The following APBB2 variants were observed in gnomAD, a reference collection of about 807,000 sequenced individuals.
The protein encoded by APBB2 is Fe65-like 1.
APBB2 carries 38 observed loss-of-function variants against 82.5 expected under a neutral mutation model. That is an observed-to-expected ratio of 0.46 (90% CI 0.36 to 0.60). The LOEUF (loss-of-function observed/expected upper bound fraction) is 0.60, where lower values mean the gene tolerates loss of function less well. APBB2 is among the 20% of genes least tolerant of loss of function. The probability of loss-of-function intolerance (pLI) is 0.00; values close to 1 mark genes in which losing one functional copy is unlikely to be tolerated. For missense variants in APBB2, 772 were observed against 972.3 expected (o/e 0.79, Z 2.74); for synonymous variants, 341 against 368.2 (o/e 0.93, Z 0.85).
intron 1 of APBB2, among the ~76,000 whole-genome samples, chr4:41,180,546 G>A (rs776611593): frequency 3.3e-5 from 5 of 152,120 alleles, no homozygotes; most frequent in African/African-American, 1.2e-4. Context: ...GCAGAGGGAG[G>A]GTGAGGCTGG....
intron 1 of APBB2, among the ~76,000 whole-genome samples, chr4:41,146,850 C>A (rs1309564805): frequency 1.3e-5 from 2 of 152,218 alleles, no homozygotes. Context: ...AAGGCATGAA[C>A]TGTGAGGCTG....
At chr4:41,204,080 C>G (rs1158721867) in intron 1 of APBB2, among the ~76,000 whole-genome samples, 5 of 152,094 alleles carry the variant, frequency 3.3e-5, no homozygotes. Context: ...TGAAGGAGTA[C>G]TGAAAGGCGG....
intron 4 of APBB2, among the ~76,000 whole-genome samples, chr4:41,033,989 T>C (rs987101458): frequency 2.6e-5 from 4 of 152,186 alleles, no homozygotes; most frequent in African/African-American, 4.8e-5. Flanking sequence ...AGCCAGATAA[T>C]ACCACAATCT....
At chr4:40,921,356 C>T (rs146659127) in intron 10 of APBB2, among the ~76,000 whole-genome samples, 20 of 152,296 alleles carry the variant, frequency 1.3e-4, no homozygotes, top group African/African-American at 4.3e-4. Flanking sequence ...TTCTCGGAAT[C>T]CCAGTTTCTT....
rs1796851480 is a variant in APBB2, at chr4:40,975,218, A to G, written c.836-30145T>C. 2.0e-5 allele frequency among the ~76,000 whole-genome samples: 3 copies of G among 152,204 alleles called. No homozygotes were observed. The South Asian group carries it at 6.2e-4, about 32-fold the overall frequency. On this transcript the variant is annotated intron_variant, in intron 6 of 17. Coordinates refer to ENST00000508593, the MANE Select transcript of APBB2 (RefSeq NM_004307.2). ...CAAATAATGTCTTGTCAACTATGAA[A>G]CCATGTTAGAAATGTACATAAATCC...
chr4:41,095,647 A>G (rs1743221585), intron 3 of APBB2, among the ~76,000 whole-genome samples: 1 of 152,204 alleles, frequency 6.6e-6, no homozygotes, highest in South Asian at 2.1e-4. Context: ...GCCAAGCCCC[A>G]TGAGTGCACA....
At chr4:40,871,107 A>C (rs1765401812) in intron 12 of APBB2, among the ~76,000 whole-genome samples, 1 of 152,088 alleles carries the variant, frequency 6.6e-6, no homozygotes. Context: ...CAAAATCCTT[A>C]ACTTAATCAC....
intron 3 of APBB2, among the ~76,000 whole-genome samples, chr4:41,075,572 G>A (rs533439610): frequency 6.6e-6 from 1 of 152,258 alleles, no homozygotes; most frequent in East Asian, 1.9e-4. Context: ...AACACAACTG[G>A]GACCACTGGA....
rs151145517 is a variant in APBB2 at position 41,124,513 on chromosome 4, T to C, written c.-261+18474A>G. On this transcript the variant is annotated intron_variant, in intron 2 of 17. Transcript: ENST00000508593. ...GCGTGAGCCACCGCGCCTGGCCTCT[T>C]CAAGCATTTAAAAATGTAAAAACCA... 6.3e-3 allele frequency among the ~76,000 whole-genome samples: 956 copies of C among 152,176 alleles called. 11 individuals carry two copies. Among genetic ancestry groups the C allele is most frequent in the African/African-American group, 0.02 (842 of 41,506 alleles).
chr4:41,060,551 T>C lies in APBB2; in HGVS notation c.-51+5025A>G, dbSNP rs548355745. ...AATACTGGAGCAACTACCGTAGATA[T>C]AATAGTGTCCTCACTCACAGAGGAG... On this transcript the variant is annotated intron_variant, in intron 4 of 17. Transcript: ENST00000508593. Among the ~76,000 whole-genome samples, 4 of 152,238 alleles carry C rather than the reference T, an allele frequency of 2.6e-5. No individual in the cohort carries two copies. The East Asian group carries it at 7.7e-4, about 29-fold the overall frequency.
chr4:41,051,421 G>A (rs752553854), intron 4 of APBB2, among the ~76,000 whole-genome samples: 1 of 152,176 alleles, frequency 6.6e-6, no homozygotes, highest in Non-Finnish European at 1.5e-5. Flanking sequence ...GCACTAGTTG[G>A]TCACAAAGTA....
At chr4:40,879,156 C>G (rs1767687947) in intron 12 of APBB2, among the ~76,000 whole-genome samples, 1 of 128,452 alleles carries the variant, frequency 7.8e-6, no homozygotes, top group Non-Finnish European at 1.9e-5. Context: ...GAACATAACT[C>G]TACTGTCTTC....
Position 41,141,993 on chromosome 4 carries a change from T to C in APBB2, c.-261+994A>G, listed in dbSNP as rs1759360050. 4.6e-5 allele frequency among the ~76,000 whole-genome samples: 7 copies of C among 152,236 alleles called. No individual in the cohort carries two copies. In the South Asian group the frequency reaches 1.5e-3, roughly 32 times the overall value. On this transcript the variant is annotated intron_variant, in intron 2 of 17. Coordinates refer to ENST00000508593, the MANE Select transcript of APBB2 (RefSeq NM_004307.2). ...TGGCCACGCTTATGTTACATGCCCATAACTGAGTCAGCAGGGTCACCTCCT... is the reference window on the plus strand; with the variant it reads ...TGGCCACGCTTATGTTACATGCCCACAACTGAGTCAGCAGGGTCACCTCCT...
rs1352447618 is a variant in APBB2, at chr4:40,935,150, A to T, written c.1045-11T>A. ...ACTCCATGGCTGTTTCTAGACATAT[A>T]ATTATTCACATAGGAAAAAAGCACA... On this transcript the variant is annotated splice_polypyrimidine_tract_variant and intron_variant, in intron 7 of 17. Coordinates refer to ENST00000508593, the MANE Select transcript of APBB2 (RefSeq NM_004307.2). 6.6e-7 allele frequency: 1 copy of T among 1,506,272 alleles called. No individual in the cohort carries two copies. The highest frequency in any genetic ancestry group is 8.9e-7 in the Non-Finnish European group (1 of 1,127,102). The allele number at this position is 1,506,272 out of a possible 1,614,324, so 93.3% of individuals were successfully genotyped here.
rs923843170 is a variant in APBB2 at position 40,970,567 on chromosome 4, G to C, written c.836-25494C>G. 2.0e-5 allele frequency among the ~76,000 whole-genome samples: 3 copies of C among 152,014 alleles called. No individual in the cohort carries two copies. The South Asian group carries it at 6.2e-4, about 32-fold the overall frequency. ...CATGCATCCATTCTACTTCAGCAAT[G>C]GTCTTGCCAGTGAGACTAGAATGCT... On this transcript the variant is annotated intron_variant, in intron 6 of 17. Transcript: ENST00000508593.
At chr4:41,165,602 T>A (rs1198727269) in intron 1 of APBB2, among the ~76,000 whole-genome samples, 1 of 152,192 alleles carries the variant, frequency 6.6e-6, no homozygotes, top group African/African-American at 2.4e-5. Context: ...CATCTAACTA[T>A]GTGCTTAGCA....
intron 10 of APBB2, among the ~76,000 whole-genome samples, chr4:40,928,815 G>A (rs1275768829): frequency 6.6e-6 from 1 of 151,098 alleles, no homozygotes; most frequent in Non-Finnish European, 1.5e-5. Context: ...AACCCAGAAG[G>A]CGGCGGTTGC....
chr4:40,816,910 A>G (rs1745905826), intron 17 of APBB2, among the ~76,000 whole-genome samples: 1 of 152,222 alleles, frequency 6.6e-6, no homozygotes, highest in African/African-American at 2.4e-5. Context: ...ATTTCAAGAT[A>G]CATGGTACAT....
At chr4:41,120,433 G>C (rs941937558) in intron 2 of APBB2, among the ~76,000 whole-genome samples, 1 of 152,114 alleles carries the variant, frequency 6.6e-6, no homozygotes, top group South Asian at 2.1e-4. Flanking sequence ...CTGCAAAACC[G>C]ACACATGAGC....
Sources: gnomAD v4.1 joint callset for allele counts (sites outside exome capture counted in the v4.1 genomes callset) on GRCh38, gnomAD v4.1.1 for gene constraint, MANE v1.5 for transcripts, NCBI Gene and HGNC (gene_info 2026-07-23, HGNC 2026-07-21) for gene names.